Variants in CNTN3 observed in about 807,000 individuals in gnomAD.
The protein encoded by CNTN3 is contactin-3.
CNTN3 carries 60 observed loss-of-function variants against 119.1 expected under a neutral mutation model. That is an observed-to-expected ratio of 0.50 (90% CI 0.41 to 0.62). The LOEUF is 0.62. CNTN3 is among the 20% of genes least tolerant of loss of function. The pLI is 0.00. For synonymous variants in CNTN3, 450 were observed against 438.7 expected (o/e 1.03, Z -0.32); for missense variants, 1,101 against 1,242.4 (o/e 0.89, Z 1.71).
chr3:74,330,355 CAAAAAA>C (rs781502877), intron 13 of CNTN3, among the ~76,000 whole-genome samples: 1 of 115,094 alleles, frequency 8.7e-6, no homozygotes. Flanking sequence ...GACCCTGTCT[CAAAAAA>C]AAAAAAAAAG....
intron 4 of CNTN3, among the ~76,000 whole-genome samples, chr3:74,438,410 G>A (rs1041025862): frequency 6.6e-6 from 1 of 152,192 alleles, no homozygotes; most frequent in Non-Finnish European, 1.5e-5. Context: ...CAAAGTTTTT[G>A]GAATACGGTA....
intron 11 of CNTN3, among the ~76,000 whole-genome samples, chr3:74,341,078 TC>T (rs960904921): frequency 1.4e-4 from 21 of 152,102 alleles, no homozygotes; most frequent in African/African-American, 4.6e-4. Context: ...CACAAAGACT[TC>T]AAAGCAAACA....
In CNTN3 at chr3:74,365,657, A is replaced by G. The variant is rs375774653; in HGVS notation, c.992T>C (p.Val331Ala). The change falls in exon 9 of 23, where the codon GTG becomes GCG. Residue 331 changes from valine (V) to alanine (A), a missense_variant. By Grantham distance (64) the Val-to-Ala change is moderately conservative. Coordinates refer to ENST00000263665, the MANE Select transcript of CNTN3 (RefSeq NM_020872.3). ...VQLIKDVEIA[V>A]EDSLYWECRA... ...GCATTCCCAATAAAGACTGTCCTCC[A>G]CGGCTATTTCCACATCCTTTATGAG... 1 of 1,613,528 alleles carries G rather than the reference A, an allele frequency of 6.2e-7. No homozygotes were observed. Among genetic ancestry groups the G allele is most frequent in the Non-Finnish European group, 8.5e-7 (1 of 1,179,548 alleles).
chr3:74,492,245 C>T (rs1394066191), intron 3 of CNTN3, among the ~76,000 whole-genome samples: 1 of 152,066 alleles, frequency 6.6e-6, no homozygotes, highest in African/African-American at 2.4e-5. Flanking sequence ...GAGCTTTCAT[C>T]CTCTTAAACT....
At chr3:74,283,895 T>G (rs935217608) in intron 20 of CNTN3, among the ~76,000 whole-genome samples, 3 of 152,148 alleles carry the variant, frequency 2.0e-5, no homozygotes, top group Non-Finnish European at 4.4e-5. Flanking sequence ...AGATTAGACT[T>G]CCTATAATAA....
At chr3:74,524,169 A>G (rs1361170175) in intron 1 of CNTN3, among the ~76,000 whole-genome samples, 2 of 151,968 alleles carry the variant, frequency 1.3e-5, no homozygotes, top group African/African-American at 4.8e-5. Context: ...CCCCAAGATA[A>G]CATGTACATT....
In CNTN3 at chr3:74,361,784, G is replaced by A. The variant is rs1704078289; in HGVS notation, c.1364+106C>T. ...ATTTTAGTTCTTAAAGATCTCACATGCTACTGAAATGCTATTTTGTTTCAT... is the reference window on the plus strand; with the variant it reads ...ATTTTAGTTCTTAAAGATCTCACATACTACTGAAATGCTATTTTGTTTCAT... On this transcript the variant is annotated intron_variant, in intron 11 of 22. Transcript: ENST00000263665. 1.1e-5 allele frequency: 13 copies of A among 1,139,966 alleles called. No individual in the cohort carries two copies. In the South Asian group the frequency reaches 2.2e-4, roughly 19 times the overall value. 70.6% of individuals were successfully genotyped at this position (1,139,966 alleles called of 1,614,324 possible).
chr3:74,441,729 G>A (rs7432638), intron 4 of CNTN3, among the ~76,000 whole-genome samples: 101,954 of 151,982 alleles, frequency 0.67, 34,347 homozygotes, highest in East Asian at 0.73. Context: ...TAAATGGGTG[G>A]TATTATCCTT....
chr3:74,498,588 A>G (rs1053329924), intron 3 of CNTN3, among the ~76,000 whole-genome samples: 6 of 151,818 alleles, frequency 4.0e-5, no homozygotes, highest in African/African-American at 1.4e-4. Context: ...ATGCAAAAAT[A>G]CAAAACCTAC....
chr3:74,453,684 T>A (rs562540713), intron 4 of CNTN3, among the ~76,000 whole-genome samples: 223 of 151,068 alleles, frequency 1.5e-3, no homozygotes, highest in African/African-American at 5.1e-3. Flanking sequence ...CACACTGCTT[T>A]GAATGTGTCC....
At chr3:74,275,074 G>A (rs754686145) in intron 20 of CNTN3, among the ~76,000 whole-genome samples, 2 of 152,098 alleles carry the variant, frequency 1.3e-5, no homozygotes, top group East Asian at 3.9e-4. Context: ...TGAAGACAAG[G>A]TCCTCAATTT....
intron 3 of CNTN3, among the ~76,000 whole-genome samples, chr3:74,491,124 T>C (rs775351131): frequency 5.3e-5 from 8 of 152,136 alleles, no homozygotes; most frequent in Non-Finnish European, 1.0e-4. Context: ...AGAAACAAAC[T>C]AGTATATGTA....
intron 1 of CNTN3, among the ~76,000 whole-genome samples, chr3:74,559,074 A>T (rs1704113713): frequency 6.6e-6 from 1 of 151,874 alleles, no homozygotes; most frequent in Non-Finnish European, 1.5e-5. Flanking sequence ...CTAAGCATAG[A>T]GCTCAATAAA....
At chr3:74,296,121 C>A (rs1702333457) in intron 18 of CNTN3, among the ~76,000 whole-genome samples, 1 of 152,062 alleles carries the variant, frequency 6.6e-6, no homozygotes. Context: ...ATAACTCTCC[C>A]TTGGATTCAC....
At chr3:74,332,318 C>G (rs1703284293) in intron 13 of CNTN3, among the ~76,000 whole-genome samples, 1 of 152,196 alleles carries the variant, frequency 6.6e-6, no homozygotes, top group Non-Finnish European at 1.5e-5. Context: ...GTAATGTCAT[C>G]TTGTATGGCT....
At chr3:74,599,035 G>C (rs900709239) in intron 1 of CNTN3, among the ~76,000 whole-genome samples, 14 of 152,184 alleles carry the variant, frequency 9.2e-5, no homozygotes, top group Non-Finnish European at 1.6e-4. Context: ...CTCATTTGTT[G>C]TAAGGACTGA....
chr3:74,393,096 T>A (rs950939485), intron 5 of CNTN3, among the ~76,000 whole-genome samples: 1 of 152,224 alleles, frequency 6.6e-6, no homozygotes, highest in African/African-American at 2.4e-5. Flanking sequence ...ATGAAGTGCA[T>A]CTGCCATATT....
At chr3:74,536,523 A>G (rs527463072) in intron 1 of CNTN3, among the ~76,000 whole-genome samples, 1 of 152,228 alleles carries the variant, frequency 6.6e-6, no homozygotes, top group South Asian at 2.1e-4. Context: ...ACTAAAAAGC[A>G]ACAGTAGAGA....
intron 1 of CNTN3, among the ~76,000 whole-genome samples, chr3:74,558,927 G>A (rs910245592): frequency 2.0e-5 from 3 of 151,444 alleles, no homozygotes; most frequent in Non-Finnish European, 4.4e-5. Context: ...AGGTTGCAGT[G>A]AGCTGAGATT....
Sources: gnomAD v4.1 joint callset for allele counts (sites outside exome capture counted in the v4.1 genomes callset) on GRCh38, gnomAD v4.1.1 for gene constraint, MANE v1.5 for transcripts, NCBI Gene and HGNC (gene_info 2026-07-23, HGNC 2026-07-21) for gene names.